The following A2M variants were observed in gnomAD, a reference collection of about 807,000 sequenced individuals.
The protein encoded by A2M is alpha-2-macroglobulin.
In A2M, 128 loss-of-function variants were observed where a neutral mutation model predicts 183.9. That is an observed-to-expected ratio of 0.70 (90% CI 0.60 to 0.81). The LOEUF is 0.81. A2M is among the 30% of genes least tolerant of loss of function. The pLI, the probability that A2M is intolerant of heterozygous loss-of-function variation, is 0.00. For synonymous variants in A2M, 592 were observed against 670.8 expected, an observed-to-expected ratio of 0.88 and a Z score of 1.81; for missense variants, 1,495 against 1,787.6, an observed-to-expected ratio of 0.84 and a Z score of 2.95.
Position 9,080,150 on chromosome 12 carries a change from A to C in A2M, c.2798T>G (p.Leu933Arg). The C allele has an allele frequency of 6.3e-7, 1 of 1,587,486 alleles. No homozygotes were observed. The highest frequency in any genetic ancestry group is 8.6e-7 in the Non-Finnish European group (1 of 1,166,106). ...TTCTACCACATTTGGTGGCAGTTTCAGGGATAATTCTTCAGAAACCTCACC... is the reference window on the plus strand; with the variant it reads ...TTCTACCACATTTGGTGGCAGTTTCCGGGATAATTCTTCAGAAACCTCACC... Reference protein sequence around the residue: ...SGGEVSEELSLKLPPNVVEES... With the variant: ...SGGEVSEELSRKLPPNVVEES... Residue 933 changes from leucine to arginine, a missense_variant, in exon 23 of 36, where the codon CTG becomes CGG. Transcript: ENST00000318602.
chr12:9,080,030 G>A (rs1948862803), intron 23 of A2M, 64 bp downstream of exon 23: 3 of 1,090,288 alleles, frequency 2.8e-6, no homozygotes, highest in African/African-American at 3.2e-5. Context: ...AAATATTTAT[G>A]GGAAATAAAA....
At chr12:9,084,478 G>A (rs933605275) in intron 22 of A2M, among the ~76,000 whole-genome samples, 3 of 152,078 alleles carry the variant, frequency 2.0e-5, no homozygotes, top group Non-Finnish European at 4.4e-5. Flanking sequence ...AAGTTAAGTT[G>A]TTATCAGCTT....
Position 9,115,893 on chromosome 12 carries a change from C to A in A2M, c.-44G>T. 1 of 1,478,416 alleles carries A rather than the reference C, an allele frequency of 6.8e-7. No individual in the cohort carries two copies. Among genetic ancestry groups the A allele is most frequent in the South Asian group, 1.1e-5 (1 of 88,162 alleles). 91.6% of individuals were successfully genotyped at this position (1,478,416 alleles called of 1,614,324 possible). On this transcript the variant is annotated 5_prime_UTR_variant, in exon 1 of 36. Coordinates refer to ENST00000318602, the MANE Select transcript of A2M (RefSeq NM_000014.6). ...TGGAGGAGAACAGACTGTATTGTAC[C>A]CTACTCCCTACAATCCATCTGGTCC...
chr12:9,086,027 T>C (rs78459753), intron 22 of A2M, among the ~76,000 whole-genome samples: 3,289 of 152,276 alleles, frequency 0.022, 62 homozygotes, highest in Non-Finnish European at 0.036. Context: ...AAGAAAAGCC[T>C]AATAACTGTT....
At chr12:9,093,639 T>C in intron 17 of A2M, 60 bp from the exon 18 acceptor site, 53 of 614,802 alleles carry the variant, frequency 8.6e-5, no homozygotes, top group Middle Eastern at 2.9e-4. Context: ...TATGAGAGAA[T>C]GTAATAGTTG....
Position 9,099,410 on chromosome 12 carries a change from A to G in A2M, c.1672T>C (p.Tyr558His), listed in dbSNP as rs928685783. Residue 558 changes from tyrosine (Y) to histidine (H), a missense_variant, in exon 14 of 36, where the codon TAT becomes CAT. Physicochemically the swap from Tyr to His is moderately conservative, Grantham distance 83 (BLOSUM62 2). Coordinates refer to ENST00000318602, the MANE Select transcript of A2M (RefSeq NM_000014.6). The part of the protein sequence containing the change: ...TGDVIGDSAK[Y>H]DVENCLANKV... ...TTGGCCAGACAATTTTCAACATCAT[A>G]TTTTGCAGAATCCCCAATCACGTCC... 2 of 1,568,120 alleles carry G rather than the reference A, an allele frequency of 1.3e-6. No individual in the cohort carries two copies. Among genetic ancestry groups the G allele is most frequent in the Non-Finnish European group, 1.7e-6 (2 of 1,156,050 alleles).
chr12:9,098,791 T>C, intron 14 of A2M, 35 bp from the exon 15 acceptor site: 1 of 1,604,738 alleles, frequency 6.2e-7, no homozygotes, highest in Non-Finnish European at 8.5e-7. Flanking sequence ...GAAAAGCAAA[T>C]TTCCAGGTTT....
intron 24 of A2M, 112 bp downstream of exon 24, chr12:9,079,527 C>T: frequency 8.9e-7 from 1 of 1,118,778 alleles, no homozygotes; most frequent in Non-Finnish European, 1.3e-6. Context: ...ATCATAGCAG[C>T]TATCATAGTG....
In A2M at chr12:9,090,344, T is replaced by C; in HGVS notation, c.2596+12A>G. 3 of 1,613,910 alleles carry C rather than the reference T, an allele frequency of 1.9e-6. No homozygotes were observed. Among genetic ancestry groups the C allele is most frequent in the Non-Finnish European group, 2.5e-6 (3 of 1,179,830 alleles). ...TTGAGTAGAGAATTATCTCTAGCAG[T>C]TTTTTGCTCACCTAATGACTTTGGG... On this transcript the variant is annotated intron_variant, in intron 20 of 35. Transcript: ENST00000318602.
At position 9,072,760 on chromosome 12, in the gene A2M, AT is replaced by A; in HGVS notation, c.3867del (p.Lys1289AsnfsTer26). On this transcript the variant is annotated frameshift_variant, in exon 30 of 36. Transcript: ENST00000318602. LOFTEE classifies it high-confidence loss of function. Reference sequence around the variant, plus strand: ...AGGCGGTTGTTGTTGTCCACTTGGAATTTGCTGGAAAATGTCCCTGAAGACT... The same window carrying A: ...AGGCGGTTGTTGTTGTCCACTTGGAATTGCTGGAAAATGTCCCTGAAGACT... Reference protein sequence around the residue: ...TIQSSGTFSSKFQVDNNNRLL... With the variant: ...TIQSSGTFSSXFQVDNNNRLL... 6.2e-7 allele frequency: 1 copy of A among 1,614,102 alleles called. No homozygotes were observed. Among genetic ancestry groups the A allele is most frequent in the Non-Finnish European group, 8.5e-7 (1 of 1,180,024 alleles).
In A2M at chr12:9,113,368, C is replaced by T. The variant is rs753857154; in HGVS notation, c.262G>A (p.Ala88Thr). 1.2e-5 allele frequency: 20 copies of T among 1,613,160 alleles called. No individual in the cohort carries two copies. The African/African-American group carries it at 1.6e-4, about 13-fold the overall frequency. Residue 88 changes from alanine (A) to threonine (T), a missense_variant, in exon 2 of 36, where the codon GCC becomes ACC. Transcript: ENST00000318602. ...EAENDVLHCV[A>T]FAVPKSSSNE... ...CAAACAGCCACACTCACAGCGAAGGCGACACAGTGGAGTACGTCATTCTCC... is the reference window on the plus strand; with the variant it reads ...CAAACAGCCACACTCACAGCGAAGGTGACACAGTGGAGTACGTCATTCTCC...
chr12:9,077,874 C>T lies in A2M; in HGVS notation c.3120-17G>A, dbSNP rs1434077444. On this transcript the variant is annotated splice_polypyrimidine_tract_variant and intron_variant, in intron 25 of 35. Transcript: ENST00000318602. The stretch of plus-strand genomic sequence containing the variant: ...GCTGTGAGCCTGACCAGGGAGGAAG[C>T]AATCATGATGTTTATGTTGTCAAAA... 12 of 1,613,878 alleles carry T rather than the reference C, an allele frequency of 7.4e-6. No homozygotes were observed. The highest frequency in any genetic ancestry group is 1.3e-5 in the African/African-American group (1 of 74,908).
chr12:9,097,490 C>G (rs1949416952), intron 15 of A2M, among the ~76,000 whole-genome samples: 1 of 152,044 alleles, frequency 6.6e-6, no homozygotes, highest in Admixed American at 6.5e-5. Context: ...TCTATTAGCT[C>G]CATATTTTCA....
At chr12:9,074,332 G>A (rs1948671056) in intron 29 of A2M, among the ~76,000 whole-genome samples, 1 of 152,142 alleles carries the variant, frequency 6.6e-6, no homozygotes, top group African/African-American at 2.4e-5. Flanking sequence ...TGGGAAATAG[G>A]AGATGGATAA....
chr12:9,110,676 A>C (rs1476242715), intron 4 of A2M, among the ~76,000 whole-genome samples: 2 of 151,992 alleles, frequency 1.3e-5, no homozygotes, highest in Non-Finnish European at 2.9e-5. Context: ...TGTAACCCAT[A>C]AATATATATA....
At position 9,101,661 on chromosome 12, in the gene A2M, TC is replaced by T; in HGVS notation, c.1279del (p.Asp427IlefsTer56). On this transcript the variant is annotated frameshift_variant, in exon 12 of 36. Coordinates refer to ENST00000318602, the MANE Select transcript of A2M (RefSeq NM_000014.6). LOFTEE classifies it high-confidence loss of function. ...TSLTVRVNYK[D>X]RSPCYGYQWV... is the part of the protein sequence containing the mutation. ...CTGGTAGCCGTAACAGGGACTACGATCCTTGTAATTGACCTAATGAATTAGA... is the reference window on the plus strand; with the variant it reads ...CTGGTAGCCGTAACAGGGACTACGATCTTGTAATTGACCTAATGAATTAGA... The T allele has an allele frequency of 1.2e-6, 2 of 1,612,806 alleles. No individual in the cohort carries two copies.
chr12:9,072,587 A>G, intron 30 of A2M, 66 bp downstream of exon 30: 3 of 1,597,972 alleles, frequency 1.9e-6, no homozygotes, highest in African/African-American at 1.3e-5. Flanking sequence ...TTTCTGAGTT[A>G]GGACTTCTCA....
At chr12:9,087,725 A>G (rs1949089946) in intron 22 of A2M, among the ~76,000 whole-genome samples, 1 of 152,290 alleles carries the variant, frequency 6.6e-6, no homozygotes, top group Non-Finnish European at 1.5e-5. Context: ...TTCATAAATC[A>G]TAACATCACT....
At chr12:9,079,073 G>C (rs756441471) in intron 25 of A2M, among the ~76,000 whole-genome samples, 171 bp downstream of exon 25, 1 of 151,692 alleles carries the variant, frequency 6.6e-6, no homozygotes, top group Non-Finnish European at 1.5e-5. Context: ...CATGTATTTG[G>C]ATATCAGGTT....
Sources: gnomAD v4.1 joint callset for allele counts (sites outside exome capture counted in the v4.1 genomes callset) on GRCh38, gnomAD v4.1.1 for gene constraint, MANE v1.5 for transcripts, NCBI Gene and HGNC (gene_info 2026-07-23, HGNC 2026-07-21) for gene names.